PCDHA2: variants seen among roughly 807,000 people sequenced by gnomAD.
PCDHA2 encodes protocadherin alpha-2.
Under a neutral mutation model 66.0 loss-of-function variants are expected in PCDHA2, and 58 were observed. The ratio of observed to expected loss-of-function variants is 0.88; its 90% CI spans 0.71 to 1.09. The LOEUF (loss-of-function observed/expected upper bound fraction) is 1.09. Ranked by LOEUF, PCDHA2 falls within the 50% of genes least tolerant of loss-of-function variation. PCDHA2 has a pLI of 0.00. For synonymous variants in PCDHA2, 634 were observed against 554.0 expected, an observed-to-expected ratio of 1.14 and a Z score of -2.03; for missense variants, 1,267 against 1,242.3, an observed-to-expected ratio of 1.02 and a Z score of -0.30.
At chr5:140,814,728 C>A (rs1013538090) in intron 1 of PCDHA2, 3 of 152,178 alleles carry the variant, frequency 2.0e-5, no homozygotes, top group Non-Finnish European at 4.4e-5. Flanking sequence ...AATTTTTCAG[C>A]TCCATTATAA....
rs35680913 is a variant in PCDHA2 at position 140,961,887 on chromosome 5, GT to G, written c.2389-17048del. Among the ~76,000 whole-genome samples, 881 of 143,912 alleles carry G rather than the reference GT, an allele frequency of 6.1e-3. 6 individuals carry two copies. The highest frequency in any genetic ancestry group is 0.018 in the African/African-American group (705 of 39,388). The allele number at this position is 143,912 out of a possible 152,430, so 94.4% of individuals were successfully genotyped here. ...ACAGATAATTGACTTACTTACATCA[GT>G]TTTTTTTTTTTTTGAGATGGAGTCT... On this transcript the variant is annotated intron_variant, in intron 1 of 3. Coordinates refer to ENST00000526136, the MANE Select transcript of PCDHA2 (RefSeq NM_018905.3).
intron 1 of PCDHA2, chr5:140,966,522 G>C (rs1350046535): frequency 2.3e-6 from 1 of 437,158 alleles, no homozygotes; most frequent in Non-Finnish European, 4.0e-6. Context: ...GCAGGAAGCC[G>C]AGCCGGGTTG....
At chr5:140,839,410 G>A (rs1776218295) in intron 1 of PCDHA2, among the ~76,000 whole-genome samples, 1 of 151,704 alleles carries the variant, frequency 6.6e-6, no homozygotes, top group South Asian at 2.1e-4. Context: ...TTATTTTTGA[G>A]ACAGGGTCTC....
Position 140,862,950 on chromosome 5 carries a change from G to T in PCDHA2, c.2388+65598G>T, listed in dbSNP as rs559605019. The T allele has an allele frequency of 5.5e-6, 3 of 541,462 alleles. No homozygotes were observed. The East Asian group carries it at 1.4e-4, about 26-fold the overall frequency. 33.5% of individuals were successfully genotyped at this position (541,462 alleles called of 1,614,324 possible). A position where few individuals can be genotyped will look rare whatever the true frequency, so the allele number is the denominator to read the frequency against. ...GGCGGCGCTGTGAGTGAGCTGGTGC[G>T]GTATTCAGTGGATGCAGGCCACTTG... On this transcript the variant is annotated intron_variant, in intron 1 of 3. Coordinates refer to ENST00000526136, the MANE Select transcript of PCDHA2 (RefSeq NM_018905.3).
intron 1 of PCDHA2, chr5:140,968,146 T>C: frequency 6.2e-7 from 1 of 1,614,140 alleles, no homozygotes. Flanking sequence ...TTGAGATCTC[T>C]GACATCAATG....
At chr5:140,807,630 T>C (rs1763993145) in intron 1 of PCDHA2, 1 of 1,614,088 alleles carries the variant, frequency 6.2e-7, no homozygotes, top group African/African-American at 1.3e-5. Flanking sequence ...TCCAGGCCGC[T>C]TGACTCTCGG....
intron 3 of PCDHA2, among the ~76,000 whole-genome samples, chr5:141,007,395 CAAA>C (rs35800918): frequency 0.057 from 5,421 of 94,854 alleles, 127 homozygotes; most frequent in South Asian, 0.13. Context: ...TACTAAAATA[CAAA>C]AAAAAAAAAA....
chr5:140,856,385 C>T lies in PCDHA2; in HGVS notation c.2388+59033C>T, dbSNP rs190288099. On this transcript the variant is annotated intron_variant, in intron 1 of 3. Coordinates refer to ENST00000526136, the MANE Select transcript of PCDHA2 (RefSeq NM_018905.3). ...CCTGGAGGTGATCGTGGACAGGCCG[C>T]TGCAGGTTTTCCATGTGGACGTGGA... 1.5e-4 allele frequency: 246 copies of T among 1,598,538 alleles called. 26 individuals are homozygous for T. The highest frequency in any genetic ancestry group is 2.0e-4 in the Non-Finnish European group (228 of 1,167,982).
In PCDHA2 at chr5:141,011,632, C is replaced by T. The variant is rs1333162247; in HGVS notation, c.*1695C>T. Reference sequence around the variant, plus strand: ...TTTATGGTCCAGCCAAGAGCCATCTCGTGCCAAGACTTCTGCTGGCAAGGG... The same window carrying T: ...TTTATGGTCCAGCCAAGAGCCATCTTGTGCCAAGACTTCTGCTGGCAAGGG... On this transcript the variant is annotated 3_prime_UTR_variant, in exon 4 of 4. Transcript: ENST00000526136. The T allele has an allele frequency of 1.3e-5, 2 of 153,656 alleles. No homozygotes were observed. The highest frequency in any genetic ancestry group is 4.8e-5 in the African/African-American group (2 of 41,412). 9.5% of individuals were successfully genotyped at this position (153,656 alleles called of 1,614,324 possible).
intron 1 of PCDHA2, among the ~76,000 whole-genome samples, chr5:140,838,763 C>A (rs1486404457): frequency 6.6e-6 from 1 of 151,830 alleles, no homozygotes; most frequent in Non-Finnish European, 1.5e-5. Context: ...TTTGTAGAGA[C>A]TTTGTAAAAT....
At chr5:140,980,237 A>C (rs1159780134) in intron 2 of PCDHA2, among the ~76,000 whole-genome samples, 1 of 152,238 alleles carries the variant, frequency 6.6e-6, no homozygotes, top group Non-Finnish European at 1.5e-5. Context: ...GTTGGTGGAG[A>C]CATGCAATGG....
intron 1 of PCDHA2, chr5:140,884,678 A>T (rs781881057): frequency 1.0e-5 from 16 of 1,553,210 alleles, no homozygotes; most frequent in South Asian, 4.9e-5. Context: ...CTTATATTTT[A>T]AAAAATTGTC....
chr5:140,968,798 G>A, intron 1 of PCDHA2: 3 of 1,614,232 alleles, frequency 1.9e-6, no homozygotes, highest in Non-Finnish European at 2.5e-6. Context: ...GGCCATTACA[G>A]TAGCTGTGGT....
At chr5:140,851,995 T>C in intron 1 of PCDHA2, 2 of 976,422 alleles carry the variant, frequency 2.0e-6, no homozygotes, top group South Asian at 4.8e-5. Context: ...GCTATTTGTT[T>C]GTTTTCTAAT....
chr5:140,799,254 G>A (rs1762407193), intron 1 of PCDHA2, among the ~76,000 whole-genome samples: 1 of 151,980 alleles, frequency 6.6e-6, no homozygotes, highest in South Asian at 2.1e-4. Flanking sequence ...TAATCAGTAT[G>A]GAGTCTACTC....
intron 1 of PCDHA2, chr5:140,882,120 CT>C (rs2058961361): frequency 6.9e-7 from 1 of 1,449,002 alleles, no homozygotes; most frequent in East Asian, 2.3e-5. Flanking sequence ...GCCGCCGTTT[CT>C]TTCTTCCTGC....
At position 140,963,044 on chromosome 5, in the gene PCDHA2, T is replaced by C. The variant is rs144557802; in HGVS notation, c.2389-15905T>C. On this transcript the variant is annotated intron_variant, in intron 1 of 3. Transcript: ENST00000526136. The stretch of plus-strand genomic sequence containing the variant: ...AAGCAATTAACATTTATTGAGAGTC[T>C]ATAAGGGTTTCTACATTGTGAAGGA... Among the ~76,000 whole-genome samples the C allele has an allele frequency of 9.3e-4, 141 of 152,294 alleles. 1 individual carries two copies. Among genetic ancestry groups the C allele is most frequent in the African/African-American group, 2.9e-3 (121 of 41,576 alleles).
intron 1 of PCDHA2, chr5:140,928,537 A>G (rs2085311063): frequency 1.2e-6 from 2 of 1,614,198 alleles, no homozygotes; most frequent in African/African-American, 2.7e-5. Context: ...GGTAGATAGG[A>G]ATGACAATTA....
chr5:140,921,694 A>G (rs1251407999), intron 1 of PCDHA2, among the ~76,000 whole-genome samples: 1 of 152,200 alleles, frequency 6.6e-6, no homozygotes, highest in Non-Finnish European at 1.5e-5. Context: ...TGGCCACCTC[A>G]ATTTTAAACA....
Sources: allele counts gnomAD v4.1 joint callset (sites outside exome capture counted in the v4.1 genomes callset), GRCh38; gene constraint gnomAD v4.1.1; transcripts MANE v1.5; gene names NCBI Gene and HGNC (gene_info 2026-07-23, HGNC 2026-07-21).